Variants in CYTH2 observed in about 807,000 individuals in gnomAD.
CYTH2 encodes cytohesin-2.
CYTH2 carries 24 observed loss-of-function variants against 55.4 expected under a neutral mutation model. That is an observed-to-expected ratio of 0.43 (90% CI 0.31 to 0.61). The LOEUF is 0.61. Ranked by LOEUF, CYTH2 falls within the 20% of genes least tolerant of loss-of-function variation. CYTH2 has a pLI of 0.08. For synonymous variants in CYTH2, 221 were observed against 209.6 expected, an observed-to-expected ratio of 1.05 and a Z score of -0.47; for missense variants, 378 against 533.5, an observed-to-expected ratio of 0.71 and a Z score of 2.87.
rs538695510 is a variant in CYTH2 at position 48,474,193 on chromosome 19, G to A, written c.559G>A (p.Val187Met). 1 of 1,601,804 alleles carries A rather than the reference G, an allele frequency of 6.2e-7. No individual in the cohort carries two copies. Among genetic ancestry groups the A allele is most frequent in the African/African-American group, 1.3e-5 (1 of 74,854 alleles). Residue 187 changes from valine to methionine, a missense_variant, in exon 7 of 12, where the codon GTG becomes ATG. Val to Met is a conservative substitution (Grantham distance 21). Transcript: ENST00000452733. The surrounding 1 kb of genome is among the most constrained non-coding windows in gnomAD (Gnocchi z 4.9). Reference sequence around the variant, plus strand: ...CCTGTCCGGTGCAGACACGTGCTATGTGCTGTCCTTCGCCGTCATCATGCT... The same window carrying A: ...CCTGTCCGGTGCAGACACGTGCTATATGCTGTCCTTCGCCGTCATCATGCT... Reference protein sequence around the residue: ...GVFQSTDTCYVLSFAVIMLNT... With the variant: ...GVFQSTDTCYMLSFAVIMLNT...
chr19:48,472,248 G>A, intron 3 of CYTH2, 77 bp from the exon 4 acceptor site: 1 of 1,344,910 alleles, frequency 7.4e-7, no homozygotes, highest in South Asian at 1.2e-5. Flanking sequence ...GGGTAGGTCT[G>A]GATGCTGAGG....
intron 4 of CYTH2, 28 bp downstream of exon 4, chr19:48,472,471 G>GCCCCCCCCCCCCCCCCCCCCCCCCCCCCC: frequency 6.3e-7 from 1 of 1,584,674 alleles, no homozygotes; most frequent in Non-Finnish European, 8.6e-7. Flanking sequence ...CTCCTGTGGG[G>GCCCCCCCCCCCCCCCCCCCCCCCCCCCCC]CCCCTCCCTC....
chr19:48,473,889 C>T lies in CYTH2; in HGVS notation c.435-16C>T, dbSNP rs1394922300. The stretch of plus-strand genomic sequence containing the variant: ...CACCAGCCCTGGCATCCATTCCTGG[C>T]CCCTCCCCAACCCAGGCAGTTTCTA... On this transcript the variant is annotated splice_polypyrimidine_tract_variant and intron_variant, in intron 5 of 11. Transcript: ENST00000452733. 2 of 1,585,224 alleles carry T rather than the reference C, an allele frequency of 1.3e-6. No individual in the cohort carries two copies.
chr19:48,474,777 C>G lies in CYTH2; in HGVS notation c.697-61C>G, dbSNP rs189591652. On this transcript the variant is annotated intron_variant, in intron 7 of 11. Coordinates refer to ENST00000452733, the MANE Select transcript of CYTH2 (RefSeq NM_004228.7). This position sits in a 1 kb window ranked among gnomAD's most constrained non-coding sequence, Gnocchi z 4.9. ...CATCCCTGGTCTCGCTGCCCCCCAC[C>G]CTGAGTAACCCTGGGGGGCCCCAGG... 5.4e-4 allele frequency: 798 copies of G among 1,485,268 alleles called. 4 individuals are homozygous for G. In the African/African-American group the frequency reaches 9.1e-3, roughly 17 times the overall value. The allele number at this position is 1,485,268 out of a possible 1,614,324, so 92.0% of individuals were successfully genotyped here. A position where few individuals can be genotyped will look rare whatever the true frequency, so the allele number is the denominator to read the frequency against.
At chr19:48,476,431 T>C (rs1159861577) in intron 8 of CYTH2, 1 of 159,756 alleles carries the variant, frequency 6.3e-6, no homozygotes, top group Non-Finnish European at 1.4e-5. Context: ...CAAATCACTG[T>C]CCAGCCAACA....
At chr19:48,470,562 C>A in intron 2 of CYTH2, 41 bp from the exon 3 acceptor site, 1 of 1,614,094 alleles carries the variant, frequency 6.2e-7, no homozygotes, top group Non-Finnish European at 8.5e-7. Context: ...GATGCCCAGG[C>A]ATTGACCCTC....
In CYTH2 at chr19:48,473,307, G is replaced by A. The variant is rs779264934; in HGVS notation, c.363G>A (p.Leu121=). ...TGTCCCATCCTTCCAGGGAAGAACT[G>A]AACCTGGCAGTGCTCCATGCTTTTG... ...IGDYLGEREE[L]NLAVLHAFVD... The change falls in exon 5 of 12, where the codon CTG becomes CTA. Residue 121 remains leucine, a synonymous_variant. Transcript: ENST00000452733. 2.5e-6 allele frequency: 4 copies of A among 1,613,932 alleles called. No individual in the cohort carries two copies. In the South Asian group the frequency reaches 3.3e-5, roughly 13 times the overall value.
Position 48,479,214 on chromosome 19 carries a change from C to T in CYTH2, c.*4C>T, listed in dbSNP as rs769211488. 1.2e-6 allele frequency: 2 copies of T among 1,613,826 alleles called. No individual in the cohort carries two copies. Among genetic ancestry groups the T allele is most frequent in the South Asian group, 1.1e-5 (1 of 91,082 alleles). On this transcript the variant is annotated 3_prime_UTR_variant, in exon 12 of 12. Transcript: ENST00000452733. ...GAAGAAGCAGGAGCAGCCCTGACCC[C>T]CTGCCCCCAACTCCATTATTTATTA...
rs756604483 is a variant in CYTH2, at chr19:48,470,496, G to A, written c.163G>A (p.Gly55Ser). ...GGTGGAGGGGCTGGAGGCCAATGAG[G>A]GCAGGTGAGGGCTGGGGCGGATGAC... The part of the protein sequence containing the change: ...SEVEGLEANE[G>S]SKTLQRNRKM... Residue 55 changes from glycine (G) to serine (S), a missense_variant, in exon 2 of 12, where the codon GGC (glycine) becomes AGC (serine). Physicochemically the swap from Gly to Ser is moderately conservative, Grantham distance 56 (BLOSUM62 0). Coordinates refer to ENST00000452733, the MANE Select transcript of CYTH2 (RefSeq NM_004228.7). 32 of 1,613,766 alleles carry A rather than the reference G, an allele frequency of 2.0e-5. No homozygotes were observed. The Admixed American group carries it at 2.8e-4, about 14-fold the overall frequency.
intron 1 of CYTH2, chr19:48,469,750 G>A: frequency 2.7e-6 from 2 of 728,226 alleles, no homozygotes; most frequent in Non-Finnish European, 4.4e-6. Flanking sequence ...GTGGCGGCGG[G>A]AGGGGCGGGA....
In CYTH2 at chr19:48,470,464, T is replaced by C. The variant is rs1361028571; in HGVS notation, c.131T>C (p.Met44Thr). 1.4e-5 allele frequency: 22 copies of C among 1,614,086 alleles called. No homozygotes were observed. The highest frequency in any genetic ancestry group is 1.9e-5 in the Non-Finnish European group (22 of 1,179,978). The part of the protein sequence containing the change: ...QRLREELSEA[M>T]SEVEGLEANE... ...CTGCGGGAGGAGCTCAGTGAAGCCATGAGCGAGGTGGAGGGGCTGGAGGCC... is the reference window on the plus strand; with the variant it reads ...CTGCGGGAGGAGCTCAGTGAAGCCACGAGCGAGGTGGAGGGGCTGGAGGCC... The change falls in exon 2 of 12, where the codon ATG (methionine) becomes ACG (threonine). Residue 44 changes from methionine (M) to threonine (T), a missense_variant. Transcript: ENST00000452733.
intron 1 of CYTH2, 80 bp from the exon 2 acceptor site, chr19:48,470,273 G>T: frequency 1.3e-6 from 2 of 1,528,880 alleles, no homozygotes; most frequent in Non-Finnish European, 1.8e-6. Flanking sequence ...TCCTCTCCCA[G>T]CTCTGTCCGC....
chr19:48,473,111 A>T lies in CYTH2; in HGVS notation c.354-187A>T, dbSNP rs1290786848. 2.6e-5 allele frequency: 16 copies of T among 615,336 alleles called. No homozygotes were observed. In the East Asian group the frequency reaches 4.0e-4, roughly 15 times the overall value. The allele number at this position is 615,336 out of a possible 1,614,324, so 38.1% of individuals were successfully genotyped here. ...GGTTCCCAAGCCAGATATTCCTCCCAAGAGTGTGTTCTGAGCATCCCCCAC... is the reference window on the plus strand; with the variant it reads ...GGTTCCCAAGCCAGATATTCCTCCCTAGAGTGTGTTCTGAGCATCCCCCAC... On this transcript the variant is annotated intron_variant, in intron 4 of 11. Transcript: ENST00000452733.
In CYTH2 at chr19:48,472,442, A is replaced by G. The variant is rs1971819867; in HGVS notation, c.352A>G (p.Arg118Gly). ...KTAIGDYLGEREELNLAVLHA... is the reference protein window; with the variant it reads ...KTAIGDYLGEGEELNLAVLHA... ...AGCCATCGGGGACTACCTGGGGGAG[A>G]GGTACGGTCACCACTCAGCTCCTGT... Residue 118 changes from arginine to glycine, a missense_variant and splice_region_variant, in exon 4 of 12, where the codon AGG (arginine) becomes GGG (glycine). Arg to Gly is a moderately radical substitution (Grantham distance 125). Coordinates refer to ENST00000452733, the MANE Select transcript of CYTH2 (RefSeq NM_004228.7). 1 of 1,612,342 alleles carries G rather than the reference A, an allele frequency of 6.2e-7. No homozygotes were observed. The highest frequency in any genetic ancestry group is 1.1e-5 in the South Asian group (1 of 91,016).
chr19:48,473,150 C>T, intron 4 of CYTH2, 148 bp from the exon 5 acceptor site: 1 of 788,280 alleles, frequency 1.3e-6, no homozygotes, highest in South Asian at 1.6e-5. Context: ...GGGGGCAGGC[C>T]TGTGTGGGAG....
intron 1 of CYTH2, chr19:48,470,002 C>T: frequency 1.8e-6 from 1 of 567,968 alleles, no homozygotes; most frequent in Non-Finnish European, 3.4e-6. Context: ...GCTACCTCGC[C>T]AGTAATGGAG....
chr19:48,473,187 G>A (rs1971839000), intron 4 of CYTH2, 111 bp from the exon 5 acceptor site: 7 of 1,183,624 alleles, frequency 5.9e-6, no homozygotes, highest in Non-Finnish European at 8.7e-6. Context: ...ACCCTCGGCA[G>A]TGGGCAGCTG....
intron 3 of CYTH2, among the ~76,000 whole-genome samples, chr19:48,471,276 C>T: frequency 6.6e-6 from 1 of 151,918 alleles, no homozygotes; most frequent in Non-Finnish European, 1.5e-5. Context: ...CTCAGCCTCC[C>T]AAGTAGCTGG....
rs1283227689 is a variant in CYTH2 at position 48,478,564 on chromosome 19, G to T, written c.1084G>T (p.Glu362Ter). The part of the protein sequence containing the change: ...VYRISAPTQE[E>*]KDEWIKSIQA... ...CCGGATCTCGGCCCCCACGCAGGAG[G>T]AGAAGGACGAGTGGATCAAGTCCAT... is the stretch of plus-strand genomic sequence containing the variant. Residue 362 changes from glutamate to a stop codon, truncating the protein, a stop_gained, in exon 11 of 12, where the codon GAG (glutamate) becomes TAG (stop). Transcript: ENST00000452733. LOFTEE classifies it high-confidence loss of function. 1 of 1,613,356 alleles carries T rather than the reference G, an allele frequency of 6.2e-7. No individual in the cohort carries two copies. Among genetic ancestry groups the T allele is most frequent in the South Asian group, 1.1e-5 (1 of 91,010 alleles).
Sources: gnomAD v4.1 joint callset for allele counts (sites outside exome capture counted in the v4.1 genomes callset) on GRCh38, gnomAD v4.1.1 for gene constraint, Gnocchi (gnomAD v3.1) non-coding constraint, MANE v1.5 for transcripts, NCBI Gene and HGNC (gene_info 2026-07-23, HGNC 2026-07-21) for gene names.